Variants in HIVEP1 observed in about 807,000 individuals in gnomAD.
The protein encoded by HIVEP1 is zinc finger protein 40.
A neutral mutation model predicts 180.0 loss-of-function variants in HIVEP1; 36 were observed. The observed-to-expected ratio is 0.20, with a 90% CI of 0.15 to 0.26. HIVEP1 has a LOEUF of 0.26. HIVEP1 is among the 10% of genes least tolerant of loss of function. The pLI, the probability that HIVEP1 is intolerant of heterozygous loss-of-function variation, is 1.00. For missense variants in HIVEP1, 3,143 were observed against 3,268.7 expected, an observed-to-expected ratio of 0.96 and a Z score of 0.94; for synonymous variants, 1,239 against 1,239.0, an observed-to-expected ratio of 1.00 and a Z score of 0.00.
the HIVEP1 span, among the ~76,000 whole-genome samples, chr6:12,197,556 A>C: frequency 5.0e-4 from 76 of 150,688 alleles, no homozygotes; most frequent in Non-Finnish European, 7.4e-5. Flanking sequence ...CTGTCTCAAA[A>C]AAAAAAAAAA....
chr6:12,048,259 C>T (rs940520432), intron 2 of HIVEP1, among the ~76,000 whole-genome samples: 12 of 152,210 alleles, frequency 7.9e-5, no homozygotes, highest in Non-Finnish European at 1.5e-4. Flanking sequence ...GTGCGCCGTC[C>T]GCGGCAGCAG....
At chr6:12,110,147 G>A (rs560023277) in intron 3 of HIVEP1, among the ~76,000 whole-genome samples, 1 of 152,220 alleles carries the variant, frequency 6.6e-6, no homozygotes, top group Non-Finnish European at 1.5e-5. Flanking sequence ...TGTCATCCAG[G>A]CTTTGTTGTT....
the HIVEP1 span, among the ~76,000 whole-genome samples, chr6:12,184,108 A>T: frequency 6.6e-6 from 1 of 152,094 alleles, no homozygotes; most frequent in Non-Finnish European, 1.5e-5. Flanking sequence ...GTAAAAGAGA[A>T]CTATTTGAAT....
At chr6:12,116,665 C>T (rs779375858) in intron 3 of HIVEP1, among the ~76,000 whole-genome samples, 3 of 152,064 alleles carry the variant, frequency 2.0e-5, no homozygotes, top group Non-Finnish European at 2.9e-5. Flanking sequence ...GACAGTGAAC[C>T]TGTTAAAGAA....
chr6:12,168,211 C>CAT (rs1461357687), downstream of HIVEP1, among the ~76,000 whole-genome samples: 23 of 83,814 alleles, frequency 2.7e-4, no homozygotes, highest in African/African-American at 1.0e-3. Context: ...TACATATATA[C>CAT]ATATATACAT....
chr6:12,055,584 A>G (rs67757013), intron 2 of HIVEP1, among the ~76,000 whole-genome samples: 4 of 152,218 alleles, frequency 2.6e-5, no homozygotes. Context: ...CAATATGGAC[A>G]TGGTATTTAT....
Position 12,125,013 on chromosome 6 carries a change from T to C in HIVEP1, c.5218T>C (p.Ser1740Pro). ...SVGRLSPQQE[S>P]SASSKRMLSP... Reference sequence around the variant, plus strand: ...TGGTCGACTTTCCCCTCAACAAGAATCTTCAGCTTCGAGTAAAAGGATGCT... The same window carrying C: ...TGGTCGACTTTCCCCTCAACAAGAACCTTCAGCTTCGAGTAAAAGGATGCT... The change falls in exon 4 of 9, where the codon TCT (serine) becomes CCT (proline). Residue 1740 changes from serine (S) to proline (P), a missense_variant. Ser to Pro is a moderately conservative substitution (Grantham distance 74). This residue lies in a region of HIVEP1 where 1,357 missense variants were observed against 1,260.5 expected (regional missense o/e 1.08). Transcript: ENST00000379388. 6.2e-7 allele frequency: 1 copy of C among 1,614,160 alleles called. No homozygotes were observed. Among genetic ancestry groups the C allele is most frequent in the Non-Finnish European group, 8.5e-7 (1 of 1,180,024 alleles).
chr6:12,121,172 T>C lies in HIVEP1; in HGVS notation c.1377T>C (p.Thr459=), dbSNP rs781516905. The stretch of plus-strand genomic sequence containing the variant: ...AGCACAAGAAATCCCACGCACATAC[T>C]ATCAAACTGGGTCTTGTCTTGCAAC... The part of the protein sequence containing the change: ...LYKHKKSHAH[T]IKLGLVLQPD... Residue 459 remains threonine (T), a synonymous_variant, in exon 4 of 9, where the codon ACT becomes ACC. Coordinates refer to ENST00000379388, the MANE Select transcript of HIVEP1 (RefSeq NM_002114.4). The surrounding 1 kb of genome is among the most constrained non-coding windows in gnomAD (Gnocchi z 5.3). 2 of 1,614,170 alleles carry C rather than the reference T, an allele frequency of 1.2e-6. No individual in the cohort carries two copies. Among genetic ancestry groups the C allele is most frequent in the East Asian group, 4.5e-5 (2 of 44,878 alleles).
rs1053677982 is a variant in HIVEP1, at chr6:12,164,537, C to A, written c.*76C>A. The A allele has an allele frequency of 6.2e-6, 7 of 1,134,576 alleles. No homozygotes were observed. In the African/African-American group the frequency reaches 1.1e-4, roughly 18 times the overall value. The allele number at this position is 1,134,576 out of a possible 1,614,324, so 70.3% of individuals were successfully genotyped here. On this transcript the variant is annotated 3_prime_UTR_variant, in exon 9 of 9. Transcript: ENST00000379388. ...TTTGAAAACCCTCCTTTCCTTAAAG[C>A]ACATTTTTCTGACATAAACTCATGA...
In HIVEP1 at chr6:12,125,153, A is replaced by T. The variant is rs189708555; in HGVS notation, c.5358A>T (p.Arg1786Ser). ...DVRPLEALSS[R>S]VNEASKQKKP... ...GACCTTTAGAGGCTTTGAGTTCGAGAGTTAATGAAGCTAGTAAACAGAAGA... is the reference window on the plus strand; with the variant it reads ...GACCTTTAGAGGCTTTGAGTTCGAGTGTTAATGAAGCTAGTAAACAGAAGA... The change falls in exon 4 of 9, where the codon AGA (arginine) becomes AGT (serine). Residue 1786 changes from arginine to serine, a missense_variant. Transcript: ENST00000379388. 2.6e-3 allele frequency: 4,130 copies of T among 1,613,848 alleles called. 12 individuals are homozygous for T. Among genetic ancestry groups the T allele is most frequent in the Non-Finnish European group, 3.2e-3 (3,824 of 1,179,930 alleles).
downstream of HIVEP1, among the ~76,000 whole-genome samples, chr6:12,167,608 T>A (rs868498114): frequency 6.2e-5 from 9 of 145,610 alleles, no homozygotes; most frequent in Non-Finnish European, 6.0e-5. Context: ...ATATACATGT[T>A]ATATTACATG....
chr6:12,167,715 A>T (rs1247533530), downstream of HIVEP1, among the ~76,000 whole-genome samples: 2 of 75,110 alleles, frequency 2.7e-5, no homozygotes, highest in Admixed American at 1.5e-4. Flanking sequence ...ATATATGCAT[A>T]ATATATATAC....
intron 7 of HIVEP1, among the ~76,000 whole-genome samples, chr6:12,145,754 C>T (rs970468861): frequency 1.3e-5 from 2 of 152,088 alleles, no homozygotes; most frequent in Admixed American, 6.6e-5. Context: ...CACTTGTGTG[C>T]GTGTTTATTA....
intron 7 of HIVEP1, among the ~76,000 whole-genome samples, chr6:12,148,593 T>A (rs776864783): frequency 6.6e-6 from 1 of 152,202 alleles, no homozygotes; most frequent in Non-Finnish European, 1.5e-5. Context: ...ATCTTCTTAA[T>A]CTAACATAAT....
chr6:12,057,583 C>T (rs1455527628), intron 2 of HIVEP1, among the ~76,000 whole-genome samples: 1 of 152,156 alleles, frequency 6.6e-6, no homozygotes, highest in Non-Finnish European at 1.5e-5. Flanking sequence ...TTATCAAAGA[C>T]TCTCAGAGAT....
chr6:12,174,177 C>A, the HIVEP1 span, among the ~76,000 whole-genome samples: 2 of 152,140 alleles, frequency 1.3e-5, no homozygotes, highest in Non-Finnish European at 2.9e-5. Flanking sequence ...ATCTGGTCTT[C>A]ATTAAAAGTA....
intron 2 of HIVEP1, among the ~76,000 whole-genome samples, chr6:12,062,990 G>A (rs1490619604): frequency 6.6e-6 from 1 of 152,144 alleles, no homozygotes; most frequent in Non-Finnish European, 1.5e-5. Context: ...ATACATGTGA[G>A]TACTTTCATT....
At chr6:12,186,318 T>C in the HIVEP1 span, among the ~76,000 whole-genome samples, 1 of 151,224 alleles carries the variant, frequency 6.6e-6, no homozygotes, top group Non-Finnish European at 1.5e-5. Context: ...GAAAAAATGC[T>C]AAGTGAAAGA....
intron 7 of HIVEP1, among the ~76,000 whole-genome samples, chr6:12,156,779 G>A (rs529070659): frequency 6.6e-6 from 1 of 152,276 alleles, no homozygotes; most frequent in South Asian, 2.1e-4. Flanking sequence ...GTATGTACTG[G>A]TGAATGTTCC....
Sources: gnomAD v4.1 joint callset for allele counts (sites outside exome capture counted in the v4.1 genomes callset) on GRCh38, gnomAD v4.1.1 for gene constraint, gnomAD v4.1.1 regional missense constraint, Gnocchi (gnomAD v3.1) non-coding constraint, MANE v1.5 for transcripts, NCBI Gene and HGNC (gene_info 2026-07-23, HGNC 2026-07-21) for gene names.